The following CPS1 variants were observed in gnomAD, a reference collection of about 807,000 sequenced individuals.
CPS1 encodes the protein carbamoyl-phosphate synthase 1, also known as carbamoyl-phosphate synthase [ammonia], mitochondrial.
In CPS1, 109 loss-of-function variants were observed where a neutral mutation model predicts 174.6. The observed-to-expected ratio is 0.62, with a 90% CI of 0.53 to 0.73. The LOEUF (loss-of-function observed/expected upper bound fraction) is 0.73. CPS1 is among the 30% of genes least tolerant of loss of function. The pLI, the probability that CPS1 is intolerant of heterozygous loss-of-function variation, is 0.00. For missense variants in CPS1, 1,689 were observed against 1,821.9 expected, an observed-to-expected ratio of 0.93 and a Z score of 1.33; for synonymous variants, 637 against 632.0, an observed-to-expected ratio of 1.01 and a Z score of -0.12.
chr2:210,512,494 T>C (rs1695521641), intron 1 of CPS1, among the ~76,000 whole-genome samples: 1 of 151,996 alleles, frequency 6.6e-6, no homozygotes, highest in Admixed American at 6.6e-5. Context: ...TTTAGGATAA[T>C]GGCCTCCAGC....
intron 6 of CPS1, 60 bp downstream of exon 6, chr2:210,582,769 A>C: frequency 7.7e-7 from 1 of 1,290,780 alleles, no homozygotes; most frequent in South Asian, 1.2e-5. Context: ...CCTTCTTGAA[A>C]TATCAAAATC....
intron 1 of CPS1, among the ~76,000 whole-genome samples, chr2:210,517,371 T>G (rs764277571): frequency 6.6e-6 from 1 of 151,998 alleles, no homozygotes; most frequent in African/African-American, 2.4e-5. Flanking sequence ...CATGACTTAT[T>G]GTAAAGTAAA....
At chr2:210,668,528 T>C (rs1245040053) in intron 34 of CPS1, among the ~76,000 whole-genome samples, 2 of 152,204 alleles carry the variant, frequency 1.3e-5, no homozygotes, top group Non-Finnish European at 2.9e-5. Flanking sequence ...GGATATTTGT[T>C]CTAAATGGGA....
At chr2:210,664,102 G>T (rs1231611149) in intron 33 of CPS1, among the ~76,000 whole-genome samples, 1 of 152,128 alleles carries the variant, frequency 6.6e-6, no homozygotes, top group Non-Finnish European at 1.5e-5. Context: ...TTTGTATTTG[G>T]ACTCTTAGAA....
chr2:210,482,949 C>T (rs906288031), intron 1 of CPS1, among the ~76,000 whole-genome samples: 14 of 152,092 alleles, frequency 9.2e-5, no homozygotes, highest in Non-Finnish European at 4.4e-5. Context: ...TCTTAATGCC[C>T]TCATGTTTTT....
chr2:210,674,580 C>A, intron 34 of CPS1: 1 of 339,982 alleles, frequency 2.9e-6, no homozygotes. Context: ...TAAGTCCTCC[C>A]TGACCAGGAA....
intron 1 of CPS1, among the ~76,000 whole-genome samples, chr2:210,521,813 A>G (rs1509819): frequency 0.6 from 91,533 of 151,688 alleles, 28,162 homozygotes; most frequent in South Asian, 0.68. Context: ...TATCAATTAT[A>G]TTTCCTGCTT....
intron 1 of CPS1, among the ~76,000 whole-genome samples, chr2:210,546,568 A>G (rs944659434): frequency 6.6e-6 from 1 of 152,144 alleles, no homozygotes; most frequent in African/African-American, 2.4e-5. Context: ...GATAGGATAT[A>G]GACAAATTGA....
chr2:210,478,864 C>T (rs2105937433), intron 1 of CPS1, among the ~76,000 whole-genome samples: 1 of 151,006 alleles, frequency 6.6e-6, no homozygotes, highest in Non-Finnish European at 1.5e-5. Flanking sequence ...TTGTAAACAC[C>T]CAAAGATTTT....
chr2:210,659,634 T>C (rs1700849004), intron 31 of CPS1, among the ~76,000 whole-genome samples: 1 of 152,156 alleles, frequency 6.6e-6, no homozygotes, highest in South Asian at 2.1e-4. Flanking sequence ...TACCTCCTAC[T>C]CGCAGTCATT....
chr2:210,554,604 T>TA (rs1044558291), upstream of CPS1, among the ~76,000 whole-genome samples: 9 of 151,958 alleles, frequency 5.9e-5, no homozygotes, highest in African/African-American at 2.2e-4. Context: ...TACCTTAGGG[T>TA]AATGGGACTA....
Position 210,635,620 on chromosome 2 carries a change from A to G in CPS1, c.2688-2082A>G, listed in dbSNP as rs1017484138. 2.0e-5 allele frequency among the ~76,000 whole-genome samples: 3 copies of G among 152,214 alleles called. No homozygotes were observed. In the South Asian group the frequency reaches 6.2e-4, roughly 31 times the overall value. On this transcript the variant is annotated intron_variant, in intron 21 of 37. Transcript: ENST00000233072. ...TAACCACATGTGGCTAGGGGCTGCT[A>G]TGTTGGATGGCACAGTTCTAAAGCA...
chr2:210,611,236 T>C (rs1392420870), intron 19 of CPS1, among the ~76,000 whole-genome samples: 2 of 151,952 alleles, frequency 1.3e-5, no homozygotes, highest in Non-Finnish European at 2.9e-5. Context: ...ATGTATCTTG[T>C]CACATAATTG....
intron 1 of CPS1, among the ~76,000 whole-genome samples, chr2:210,491,407 C>A (rs959915456): frequency 7.4e-6 from 1 of 135,886 alleles, no homozygotes; most frequent in Non-Finnish European, 1.5e-5. Context: ...CTCCACCTCC[C>A]GGTTCAAGTG....
At chr2:210,583,547 C>T (rs1697999706) in intron 6 of CPS1, among the ~76,000 whole-genome samples, 1 of 152,072 alleles carries the variant, frequency 6.6e-6, no homozygotes, top group African/African-American at 2.4e-5. Context: ...CGGGTAGTAA[C>T]AGTAAGGTAG....
intron 34 of CPS1, among the ~76,000 whole-genome samples, chr2:210,668,791 A>G (rs758148915): frequency 5.9e-5 from 9 of 152,042 alleles, no homozygotes; most frequent in Non-Finnish European, 1.2e-4. Context: ...CATATTTCCA[A>G]CAATCTGCTG....
At chr2:210,661,755 C>T (rs1574655722) in intron 32 of CPS1, among the ~76,000 whole-genome samples, 1 of 151,808 alleles carries the variant, frequency 6.6e-6, no homozygotes, top group Non-Finnish European at 1.5e-5. Context: ...GATTAGTAGC[C>T]ACTGAAAAAT....
At chr2:210,650,466 G>C (rs369846098) in intron 28 of CPS1, 28 bp downstream of exon 28, 1 of 1,462,930 alleles carries the variant, frequency 6.8e-7, no homozygotes, top group Non-Finnish European at 9.6e-7. Context: ...TGTAGTGACT[G>C]TTATCTCTTA....
chr2:210,592,047 G>A (rs988485665), intron 10 of CPS1, 78 bp downstream of exon 10: 2 of 1,464,644 alleles, frequency 1.4e-6, no homozygotes, highest in Non-Finnish European at 1.9e-6. Flanking sequence ...CATAAGCATT[G>A]TATATATTTA....
Sources: gnomAD v4.1 joint callset for allele counts (sites outside exome capture counted in the v4.1 genomes callset) on GRCh38, gnomAD v4.1.1 for gene constraint, MANE v1.5 for transcripts, NCBI Gene and HGNC (gene_info 2026-07-23, HGNC 2026-07-21) for gene names.